KCMF1: variants seen among roughly 807,000 people sequenced by gnomAD.
KCMF1 encodes the protein E3 ubiquitin-protein ligase KCMF1.
Under a neutral mutation model 41.1 loss-of-function variants are expected in KCMF1, and 3 were observed. The ratio of observed to expected loss-of-function variants is 0.07; its 90% CI spans 0.03 to 0.19. The LOEUF (loss-of-function observed/expected upper bound fraction) is 0.19, where lower values mean the gene tolerates loss of function less well. KCMF1 is among the 10% of genes least tolerant of loss of function. The pLI is 1.00. For missense variants in KCMF1, 286 were observed against 488.9 expected (o/e 0.58, Z 3.91); for synonymous variants, 142 against 164.5 (o/e 0.86, Z 1.04).
intron 3 of KCMF1, among the ~76,000 whole-genome samples, chr2:85,039,520 G>A (rs1675475391): frequency 6.6e-6 from 1 of 152,138 alleles, no homozygotes; most frequent in African/African-American, 2.4e-5. Context: ...GTTTATATGT[G>A]GAGTAATGAC....
At chr2:84,973,184 G>A (rs1320651936) in intron 1 of KCMF1, among the ~76,000 whole-genome samples, 1 of 152,220 alleles carries the variant, frequency 6.6e-6, no homozygotes, top group East Asian at 1.9e-4. Context: ...CCATGGAAGA[G>A]TGTTTCAGAC....
chr2:84,972,535 A>G (rs1164133621), intron 1 of KCMF1, among the ~76,000 whole-genome samples: 1 of 152,230 alleles, frequency 6.6e-6, no homozygotes, highest in Non-Finnish European at 1.5e-5. Flanking sequence ...TGCTAAGGTT[A>G]ATACAAGATT....
Position 85,058,025 on chromosome 2 carries a change from C to T in KCMF1, c.*4616C>T, listed in dbSNP as rs1675975682. On this transcript the variant is annotated 3_prime_UTR_variant, in exon 7 of 7. Coordinates refer to ENST00000409785, the MANE Select transcript of KCMF1 (RefSeq NM_020122.5). The stretch of plus-strand genomic sequence containing the variant: ...AAAAAGAACCCTTAAGTCTGACTGT[C>T]CCAGGTAACTTTACTTGCTGTACAG... The T allele has an allele frequency of 6.6e-6, 1 of 152,220 alleles. No homozygotes were observed. The highest frequency in any genetic ancestry group is 2.4e-5 in the African/African-American group (1 of 41,456). The allele number at this position is 152,220 out of a possible 1,614,324, so 9.4% of individuals were successfully genotyped here. A position where few individuals can be genotyped will look rare whatever the true frequency, so the allele number is the denominator to read the frequency against.
intron 3 of KCMF1, 47 bp from the exon 4 acceptor site, chr2:85,043,517 C>A: frequency 9.3e-7 from 1 of 1,074,692 alleles, no homozygotes; most frequent in Non-Finnish European, 1.4e-6. Flanking sequence ...AGAAAGATGT[C>A]TTATTGACGT....
intron 1 of KCMF1, among the ~76,000 whole-genome samples, chr2:84,993,031 A>G (rs1379707779): frequency 6.6e-6 from 1 of 152,004 alleles, no homozygotes; most frequent in African/African-American, 2.4e-5. Flanking sequence ...CTTCTCTGCA[A>G]AAATATTAAG....
chr2:85,022,575 G>GT (rs761044706), intron 1 of KCMF1, among the ~76,000 whole-genome samples: 4 of 152,098 alleles, frequency 2.6e-5, no homozygotes, highest in East Asian at 1.9e-4. Flanking sequence ...TTTGCTTTCT[G>GT]TTTTTTTGTT....
intron 1 of KCMF1, among the ~76,000 whole-genome samples, chr2:85,006,828 G>A (rs1202915708): frequency 3.3e-5 from 5 of 151,144 alleles, no homozygotes; most frequent in African/African-American, 9.7e-5. Context: ...AGAACATCTC[G>A]GCCAGGCGCG....
intron 1 of KCMF1, among the ~76,000 whole-genome samples, chr2:84,980,642 T>A (rs1279283278): frequency 7.0e-6 from 1 of 142,786 alleles, no homozygotes; most frequent in Non-Finnish European, 1.5e-5. Flanking sequence ...GCCTCATATC[T>A]TTTTTTTTTT....
chr2:85,009,664 CTCT>C (rs1175418932), intron 1 of KCMF1, among the ~76,000 whole-genome samples: 1 of 152,196 alleles, frequency 6.6e-6, no homozygotes, highest in Non-Finnish European at 1.5e-5. Context: ...CTCTTCCCCC[CTCT>C]TCTTTCTTTT....
At chr2:84,985,835 A>C (rs927944856) in intron 1 of KCMF1, among the ~76,000 whole-genome samples, 7 of 151,400 alleles carry the variant, frequency 4.6e-5, no homozygotes, top group Non-Finnish European at 1.0e-4. Flanking sequence ...TCTCAAAAAA[A>C]AAAAACCCTT....
In KCMF1 at chr2:85,055,784, C is replaced by A. The variant is rs1675912666; in HGVS notation, c.*2375C>A. ...ATTGAATAAAAATTAATTGCAAAGA[C>A]TTTGATGGAGACAAAATCAAAATAT... On this transcript the variant is annotated 3_prime_UTR_variant, in exon 7 of 7. Coordinates refer to ENST00000409785, the MANE Select transcript of KCMF1 (RefSeq NM_020122.5). The A allele has an allele frequency of 6.6e-6, 1 of 152,086 alleles. No homozygotes were observed. Among genetic ancestry groups the A allele is most frequent in the African/African-American group, 2.4e-5 (1 of 41,404 alleles). The allele number at this position is 152,086 out of a possible 1,614,324, so 9.4% of individuals were successfully genotyped here.
At chr2:84,999,221 G>C (rs1332315594) in intron 1 of KCMF1, among the ~76,000 whole-genome samples, 2 of 152,004 alleles carry the variant, frequency 1.3e-5, no homozygotes, top group Admixed American at 6.6e-5. Context: ...CGTGATCTCT[G>C]CTCACTGCCA....
chr2:85,041,761 C>A lies in KCMF1; in HGVS notation c.325-1803C>A, dbSNP rs116816466. Among the ~76,000 whole-genome samples the A allele has an allele frequency of 1.8e-3, 163 of 91,944 alleles. 1 individual carries two copies. Among genetic ancestry groups the A allele is most frequent in the East Asian group, 9.2e-3 (16 of 1,738 alleles). The allele number at this position is 91,944 out of a possible 152,430, so 60.3% of individuals were successfully genotyped here. A position where few individuals can be genotyped will look rare whatever the true frequency, so the allele number is the denominator to read the frequency against. ...TTCTGTTTCTCCAAACATTGCTGGT[C>A]TTTTTTTTTTTTTTTTTTTTTTAAA... On this transcript the variant is annotated intron_variant, in intron 3 of 6. Coordinates refer to ENST00000409785, the MANE Select transcript of KCMF1 (RefSeq NM_020122.5).
At chr2:84,999,073 T>C (rs539933508) in intron 1 of KCMF1, among the ~76,000 whole-genome samples, 1 of 137,544 alleles carries the variant, frequency 7.3e-6, no homozygotes, top group South Asian at 2.6e-4. Context: ...CAAGACGTAG[T>C]CTTGCTCTGT....
chr2:84,972,698 T>A (rs1233030091), intron 1 of KCMF1, among the ~76,000 whole-genome samples: 1 of 152,218 alleles, frequency 6.6e-6, no homozygotes, highest in Admixed American at 6.5e-5. Context: ...ATTTCAAGGC[T>A]GAAAAACTCA....
At chr2:84,971,669 C>T (rs1673397370) in intron 1 of KCMF1, among the ~76,000 whole-genome samples, 1 of 150,920 alleles carries the variant, frequency 6.6e-6, no homozygotes, top group Non-Finnish European at 1.5e-5. Flanking sequence ...CTTAGCTGGG[C>T]CTGGTGCTGG....
In KCMF1 at chr2:84,993,216, A is replaced by T. The variant is rs192407086; in HGVS notation, c.16+21749A>T. 1.3e-4 allele frequency among the ~76,000 whole-genome samples: 20 copies of T among 152,126 alleles called. No homozygotes were observed. In the East Asian group the frequency reaches 3.9e-3, roughly 29 times the overall value. ...AAAAAAAAAAGAAAAGAAACAGGAA[A>T]AAAACAAAACAAAACAAAAAAACCA... On this transcript the variant is annotated intron_variant, in intron 1 of 6. Transcript: ENST00000409785.
At chr2:84,975,097 C>G (rs377610279) in intron 1 of KCMF1, among the ~76,000 whole-genome samples, 1 of 152,120 alleles carries the variant, frequency 6.6e-6, no homozygotes, top group Non-Finnish European at 1.5e-5. Flanking sequence ...TCTTAACTTT[C>G]GGGCTATATA....
At chr2:85,029,913 A>C (rs1352729476) in intron 2 of KCMF1, among the ~76,000 whole-genome samples, 1 of 151,786 alleles carries the variant, frequency 6.6e-6, no homozygotes, top group African/African-American at 2.4e-5. Context: ...TTGAACTCCT[A>C]ATCTTAGGTG....
Sources: gnomAD v4.1 joint callset for allele counts (sites outside exome capture counted in the v4.1 genomes callset) on GRCh38, gnomAD v4.1.1 for gene constraint, MANE v1.5 for transcripts, NCBI Gene and HGNC (gene_info 2026-07-23, HGNC 2026-07-21) for gene names.